Variants in STXBP4 observed in about 807,000 individuals in gnomAD.
STXBP4 encodes the protein syntaxin binding protein 4.
A neutral mutation model predicts 76.1 loss-of-function variants in STXBP4; 55 were observed. The observed-to-expected ratio is 0.72, with a 90% CI of 0.58 to 0.91. The LOEUF is 0.91. Among genes scored for constraint, STXBP4 ranks in the 40% least tolerant of loss-of-function variants. The pLI, the probability that STXBP4 is intolerant of heterozygous loss-of-function variation, is 0.00. For missense variants in STXBP4, 618 were observed against 636.9 expected (o/e 0.97, Z 0.32); for synonymous variants, 201 against 220.2 (o/e 0.91, Z 0.77).
At position 55,031,149 on chromosome 17, in the gene STXBP4, T is replaced by C; in HGVS notation, c.667-19T>C. The C allele has an allele frequency of 6.3e-7, 1 of 1,598,862 alleles. No individual in the cohort carries two copies. Among genetic ancestry groups the C allele is most frequent in the Non-Finnish European group, 8.6e-7 (1 of 1,168,226 alleles). The stretch of plus-strand genomic sequence containing the variant: ...TGGAGATTTGAAAAATTGCTTTTCA[T>C]GAGTCCTTTATCTTCCAGGCTCTAA... On this transcript the variant is annotated intron_variant, in intron 8 of 17. Coordinates refer to ENST00000376352, the MANE Select transcript of STXBP4 (RefSeq NM_178509.6).
chr17:55,111,727 G>T (rs1156305616), intron 16 of STXBP4, among the ~76,000 whole-genome samples: 3 of 152,134 alleles, frequency 2.0e-5, no homozygotes, highest in South Asian at 2.1e-4. Context: ...TGCCATGTTT[G>T]TATAGCCTAC....
intron 16 of STXBP4, among the ~76,000 whole-genome samples, chr17:55,108,441 C>G (rs1418541249): frequency 6.6e-6 from 1 of 152,106 alleles, no homozygotes; most frequent in African/African-American, 2.4e-5. Flanking sequence ...GGTGTTCCAG[C>G]TGCCATTGGG....
chr17:54,994,943 G>A (rs1046316631), intron 4 of STXBP4, among the ~76,000 whole-genome samples: 1 of 151,914 alleles, frequency 6.6e-6, no homozygotes, highest in African/African-American at 2.4e-5. Context: ...CCCCAGTCTA[G>A]GCTAGGTTTT....
At chr17:55,061,973 G>A (rs928056948) in intron 12 of STXBP4, among the ~76,000 whole-genome samples, 3 of 152,074 alleles carry the variant, frequency 2.0e-5, no homozygotes, top group African/African-American at 4.8e-5. Context: ...TCCTATACAT[G>A]CCTGTAATCC....
chr17:55,144,284 G>A (rs1012077272), intron 17 of STXBP4, among the ~76,000 whole-genome samples: 2 of 152,120 alleles, frequency 1.3e-5, no homozygotes, highest in African/African-American at 4.8e-5. Flanking sequence ...GCCTCATGAA[G>A]GAATGGGGTG....
At chr17:55,191,417 CTG>C in the STXBP4 span, among the ~76,000 whole-genome samples, 9 of 152,124 alleles carry the variant, frequency 5.9e-5, no homozygotes, top group African/African-American at 1.9e-4. Flanking sequence ...TAATCATAGT[CTG>C]TGTTTCCCAG....
At chr17:55,180,179 A>G in the STXBP4 span, among the ~76,000 whole-genome samples, 3 of 152,192 alleles carry the variant, frequency 2.0e-5, no homozygotes, top group Admixed American at 6.5e-5. Flanking sequence ...TATGAAGGTT[A>G]AGGAGGTGCC....
chr17:55,094,068 C>T (rs571633530), intron 16 of STXBP4, among the ~76,000 whole-genome samples: 129 of 151,704 alleles, frequency 8.5e-4, no homozygotes, highest in Admixed American at 2.4e-3. Context: ...AACATTGCAT[C>T]CCAGACTCAG....
intron 16 of STXBP4, among the ~76,000 whole-genome samples, chr17:55,126,105 A>G (rs2079909045): frequency 6.6e-6 from 1 of 152,214 alleles, no homozygotes; most frequent in Non-Finnish European, 1.5e-5. Context: ...CTGCCAAAAC[A>G]AAAAGATTAA....
rs201991309 is a variant in STXBP4, at chr17:54,990,863, C to T, written c.86C>T (p.Thr29Ile). 2 of 1,604,330 alleles carry T rather than the reference C, an allele frequency of 1.2e-6. No individual in the cohort carries two copies. Among genetic ancestry groups the T allele is most frequent in the East Asian group, 4.5e-5 (2 of 44,466 alleles). Reference protein sequence around the residue: ...AFQMITIAKETGLGLKVLGGI... With the variant: ...AFQMITIAKEIGLGLKVLGGI... ...CAGATGATTACAATTGCCAAGGAAA[C>T]AGGCCTTGGCCTGAAGGTACTAGGA... Residue 29 changes from threonine (T) to isoleucine (I), a missense_variant, in exon 4 of 18, where the codon ACA becomes ATA. Physicochemically the swap from Thr to Ile is moderately conservative, Grantham distance 89. Coordinates refer to ENST00000376352, the MANE Select transcript of STXBP4 (RefSeq NM_178509.6).
chr17:55,206,921 G>T, the STXBP4 span, among the ~76,000 whole-genome samples: 1 of 151,290 alleles, frequency 6.6e-6, no homozygotes, highest in African/African-American at 2.4e-5. Context: ...CTCAGCCAGT[G>T]CTGGCTGTGA....
chr17:55,196,655 C>T, the STXBP4 span, among the ~76,000 whole-genome samples: 1 of 152,192 alleles, frequency 6.6e-6, no homozygotes, highest in Non-Finnish European at 1.5e-5. Context: ...AGACTGTGGG[C>T]TCCTTTAAGA....
the STXBP4 span, among the ~76,000 whole-genome samples, chr17:55,180,480 G>A: frequency 2.6e-5 from 4 of 152,134 alleles, no homozygotes; most frequent in African/African-American, 9.7e-5. Flanking sequence ...TTCAACCTGA[G>A]TTCTTTTTAC....
chr17:55,041,483 GCTGGCATTACAGA>G (rs1204768728), intron 10 of STXBP4, among the ~76,000 whole-genome samples: 1 of 152,054 alleles, frequency 6.6e-6, no homozygotes, highest in Admixed American at 6.6e-5. Context: ...CTCCCAATGT[GCTGGCATTACAGA>G]CCTGGGTCAC....
chr17:55,135,284 T>C (rs2080016798), intron 16 of STXBP4, among the ~76,000 whole-genome samples: 1 of 152,148 alleles, frequency 6.6e-6, no homozygotes, highest in African/African-American at 2.4e-5. Context: ...AAATAGCTCA[T>C]ATCTAATTAC....
chr17:55,182,198 G>A, the STXBP4 span, among the ~76,000 whole-genome samples: 2 of 152,084 alleles, frequency 1.3e-5, no homozygotes, highest in Non-Finnish European at 1.5e-5. Context: ...CTAGATAATG[G>A]AATTATTAGT....
intron 16 of STXBP4, among the ~76,000 whole-genome samples, chr17:55,131,363 TG>T (rs1439057946): frequency 6.6e-6 from 1 of 152,232 alleles, no homozygotes; most frequent in Admixed American, 6.5e-5. Flanking sequence ...AAACATGGTA[TG>T]GTAGTATAAA....
chr17:55,135,319 G>T (rs539932412), intron 16 of STXBP4, among the ~76,000 whole-genome samples: 1 of 152,052 alleles, frequency 6.6e-6, no homozygotes, highest in Non-Finnish European at 1.5e-5. Context: ...TTTTAAATTT[G>T]GGATGCACAA....
At chr17:55,018,307 G>A (rs1273663842) in intron 8 of STXBP4, among the ~76,000 whole-genome samples, 1 of 152,186 alleles carries the variant, frequency 6.6e-6, no homozygotes, top group Non-Finnish European at 1.5e-5. Context: ...GGAGCACAGC[G>A]GACACTCTGC....
Sources: allele counts gnomAD v4.1 joint callset (sites outside exome capture counted in the v4.1 genomes callset), GRCh38; gene constraint gnomAD v4.1.1; transcripts MANE v1.5; gene names NCBI Gene and HGNC (gene_info 2026-07-23, HGNC 2026-07-21).